PXDNL: variants seen among roughly 807,000 people sequenced by gnomAD.
PXDNL encodes peroxidasin like.
PXDNL carries 145 observed loss-of-function variants against 150.8 expected under a neutral mutation model. That is an observed-to-expected ratio of 0.96 (90% CI 0.84 to 1.10). The LOEUF is 1.10. Among genes scored for constraint, PXDNL ranks in the 50% least tolerant of loss-of-function variants. The pLI is 0.00. For missense variants in PXDNL, 2,087 were observed against 1,873.9 expected (o/e 1.11, Z -2.10); for synonymous variants, 757 against 725.7 (o/e 1.04, Z -0.69).
intron 2 of PXDNL, among the ~76,000 whole-genome samples, chr8:51,601,631 T>C (rs1813723402): frequency 6.6e-6 from 1 of 152,094 alleles, no homozygotes; most frequent in Admixed American, 6.6e-5. Context: ...TTGAATCTCT[T>C]GAAGACAGTA....
intron 3 of PXDNL, among the ~76,000 whole-genome samples, chr8:51,558,273 T>C (rs560636087): frequency 1.1e-3 from 161 of 152,138 alleles, no homozygotes; most frequent in Non-Finnish European, 2.0e-3. Context: ...GGGTCCAGGG[T>C]ACAGACTAGA....
chr8:51,390,726 C>T (rs1420313484), intron 17 of PXDNL, among the ~76,000 whole-genome samples: 5 of 151,724 alleles, frequency 3.3e-5, no homozygotes, highest in African/African-American at 1.2e-4. Context: ...TGGCATAAAG[C>T]ACAGATTTTC....
At chr8:51,429,438 A>G (rs559966268) in intron 12 of PXDNL, among the ~76,000 whole-genome samples, 1 of 152,182 alleles carries the variant, frequency 6.6e-6, no homozygotes, top group East Asian at 1.9e-4. Context: ...TAAATTAGCC[A>G]GGCGTGGAGG....
chr8:51,343,834 G>T (rs561565162), intron 20 of PXDNL, among the ~76,000 whole-genome samples: 1 of 152,132 alleles, frequency 6.6e-6, no homozygotes, highest in African/African-American at 2.4e-5. Context: ...AAAAACAGAT[G>T]AAATGCCAAA....
chr8:51,432,172 T>C (rs2129807609), intron 12 of PXDNL, among the ~76,000 whole-genome samples: 1 of 152,340 alleles, frequency 6.6e-6, no homozygotes, highest in Middle Eastern at 3.4e-3. Context: ...GATGTAAAGA[T>C]GTAATTTCAC....
At position 51,764,176 on chromosome 8, in the gene PXDNL, G is replaced by A. The variant is rs570125816; in HGVS notation, c.164+45005C>T. On this transcript the variant is annotated intron_variant, in intron 1 of 22. Coordinates refer to ENST00000356297, the MANE Select transcript of PXDNL (RefSeq NM_144651.5). ...TCTTTATTCCTGACTCTAGTAATTT[G>A]TAGTAATTTGAGTCTTTTCTCTATC... Among the ~76,000 whole-genome samples, 17 of 151,930 alleles carry A rather than the reference G, an allele frequency of 1.1e-4. No individual in the cohort carries two copies. The East Asian group carries it at 3.3e-3, about 29-fold the overall frequency.
chr8:51,684,991 C>T (rs1585673035), intron 1 of PXDNL, among the ~76,000 whole-genome samples: 1 of 152,150 alleles, frequency 6.6e-6, no homozygotes, highest in Non-Finnish European at 1.5e-5. Context: ...CATGGGATGC[C>T]CAGACAGCTG....
intron 5 of PXDNL, among the ~76,000 whole-genome samples, chr8:51,492,689 C>A (rs529820283): frequency 1.7e-3 from 262 of 152,288 alleles, no homozygotes; most frequent in Non-Finnish European, 2.5e-3. Flanking sequence ...TCATTGCTAG[C>A]ACAGCAGTCT....
At chr8:51,377,260 GA>G (rs1439435513) in intron 17 of PXDNL, among the ~76,000 whole-genome samples, 1 of 65,922 alleles carries the variant, frequency 1.5e-5, no homozygotes, top group African/African-American at 3.2e-5. Context: ...CCTTCTAGGG[GA>G]TTTTTTTTTT....
In PXDNL at chr8:51,809,212, T is replaced by C. The variant is rs1325197260; in HGVS notation, c.133A>G (p.Ile45Val). 3.1e-6 allele frequency: 5 copies of C among 1,613,664 alleles called. No individual in the cohort carries two copies. Among genetic ancestry groups the C allele is most frequent in the Non-Finnish European group, 4.2e-6 (5 of 1,179,844 alleles). ...VRCMHLMLDH[I>V]PQVPQQTTVL... ...GTGGTCTGCTGTGGTACCTGAGGAA[T>C]GTGGTCCAGCATCAAGTGCATGCAG... The change falls in exon 1 of 23, where the codon ATT (isoleucine) becomes GTT (valine). Residue 45 changes from isoleucine (I) to valine (V), a missense_variant. Transcript: ENST00000356297.
rs868165703 is a variant in PXDNL, at chr8:51,628,353, C to T, written c.236+26336G>A. Among the ~76,000 whole-genome samples the T allele has an allele frequency of 2.4e-3, 322 of 135,190 alleles. 1 individual carries two copies. Among genetic ancestry groups the T allele is most frequent in the South Asian group, 0.012 (50 of 4,072 alleles). The allele number at this position is 135,190 out of a possible 152,430, so 88.7% of individuals were successfully genotyped here. ...TTCTTCTTTATTTCTTTCTTTCTTT[C>T]TTTTCTTTCTTTCCTTTTTCATCTC... is the stretch of plus-strand genomic sequence containing the variant. On this transcript the variant is annotated intron_variant, in intron 2 of 22. Transcript: ENST00000356297.
At chr8:51,346,080 C>G (rs1002635565) in intron 19 of PXDNL, 133 bp from the exon 20 acceptor site, 1 of 568,280 alleles carries the variant, frequency 1.8e-6, no homozygotes, top group Non-Finnish European at 3.1e-6. Flanking sequence ...GTGAGAGAGA[C>G]TCATTTAGTC....
At chr8:51,533,508 T>TCCCCTCCCC (rs1585556283) in intron 4 of PXDNL, among the ~76,000 whole-genome samples, 1 of 36,208 alleles carries the variant, frequency 2.8e-5, no homozygotes, top group African/African-American at 1.1e-4. Flanking sequence ...TCCCCCTCCC[T>TCCCCTCCCC]CTCCCTCTCC....
chr8:51,521,208 C>T (rs954047610), intron 4 of PXDNL, among the ~76,000 whole-genome samples: 1 of 151,888 alleles, frequency 6.6e-6, no homozygotes, highest in African/African-American at 2.4e-5. Context: ...CATCACTGCA[C>T]TGTAGTCTGA....
At chr8:51,506,317 C>T (rs983419029) in intron 4 of PXDNL, among the ~76,000 whole-genome samples, 13 of 151,984 alleles carry the variant, frequency 8.6e-5, no homozygotes, top group Non-Finnish European at 1.6e-4. Context: ...CCAAGGCGGG[C>T]GGATCACGAG....
At chr8:51,349,727 G>C (rs1486890511) in intron 19 of PXDNL, among the ~76,000 whole-genome samples, 1 of 152,202 alleles carries the variant, frequency 6.6e-6, no homozygotes, top group Non-Finnish European at 1.5e-5. Flanking sequence ...TCAAGTTTGG[G>C]AGATTGAGCT....
intron 3 of PXDNL, among the ~76,000 whole-genome samples, chr8:51,558,208 C>T (rs954850415): frequency 2.6e-5 from 4 of 151,914 alleles, no homozygotes; most frequent in African/African-American, 9.7e-5. Context: ...TGAGTTCTAC[C>T]CAAGCCTTAT....
intron 1 of PXDNL, among the ~76,000 whole-genome samples, chr8:51,697,438 C>T (rs932486878): frequency 6.6e-5 from 10 of 152,208 alleles, no homozygotes; most frequent in Admixed American, 2.0e-4. Flanking sequence ...TATAGTGTGA[C>T]AGGTCCCCAC....
intron 2 of PXDNL, 76 bp downstream of exon 2, chr8:51,654,613 A>G: frequency 9.1e-7 from 1 of 1,104,736 alleles, no homozygotes; most frequent in South Asian, 1.3e-5. Context: ...TGACACTCAG[A>G]ATGACTTTCA....
Sources: gnomAD v4.1 joint callset for allele counts (sites outside exome capture counted in the v4.1 genomes callset) on GRCh38, gnomAD v4.1.1 for gene constraint, MANE v1.5 for transcripts, NCBI Gene and HGNC (gene_info 2026-07-23, HGNC 2026-07-21) for gene names.